PRKCA: variants seen among roughly 807,000 people sequenced by gnomAD.
The protein encoded by PRKCA is protein kinase C alpha type.
A neutral mutation model predicts 87.0 loss-of-function variants in PRKCA; 27 were observed. That is an observed-to-expected ratio of 0.31 (90% confidence interval 0.23 to 0.43). PRKCA has a LOEUF of 0.43. Ranked by LOEUF, PRKCA falls within the 20% of genes least tolerant of loss-of-function variation. The pLI is 1.00. For missense variants in PRKCA, 518 were observed against 852.3 expected (o/e 0.61, Z 4.88); for synonymous variants, 329 against 311.1 (o/e 1.06, Z -0.61).
chr17:66,775,697 G>A (rs1568026917), intron 14 of PRKCA: 1 of 985,308 alleles, frequency 1.0e-6, no homozygotes, highest in East Asian at 1.1e-4. Context: ...TGTTTCTGGG[G>A]AAAAAGTCTT....
Position 66,805,200 on chromosome 17 carries a change from G to A in PRKCA, c.*1163G>A, listed in dbSNP as rs1020853444. 2.8e-5 allele frequency: 26 copies of A among 921,606 alleles called. No homozygotes were observed. Among genetic ancestry groups the A allele is most frequent in the Non-Finnish European group, 3.0e-5 (23 of 772,020 alleles). The allele number at this position is 921,606 out of a possible 1,614,324, so 57.1% of individuals were successfully genotyped here. On this transcript the variant is annotated 3_prime_UTR_variant, in exon 17 of 17. Transcript: ENST00000413366. ...GACAGGCCTGGAGCTGTAGAATCAG[G>A]AAACCCGGATGCCTAACAGCTCAAA...
intron 2 of PRKCA, among the ~76,000 whole-genome samples, chr17:66,455,697 T>C (rs1914549285): frequency 6.6e-6 from 1 of 152,186 alleles, no homozygotes; most frequent in Non-Finnish European, 1.5e-5. Flanking sequence ...TTCCACTTAA[T>C]ATCTAAGAAC....
intron 3 of PRKCA, among the ~76,000 whole-genome samples, chr17:66,639,537 G>A (rs1443940825): frequency 3.9e-5 from 6 of 152,018 alleles, no homozygotes; most frequent in Admixed American, 6.5e-5. Flanking sequence ...ACAGGCACAC[G>A]CCACCATGCC....
intron 2 of PRKCA, among the ~76,000 whole-genome samples, chr17:66,366,610 T>C (rs1908743938): frequency 1.3e-5 from 2 of 152,068 alleles, no homozygotes; most frequent in Admixed American, 1.3e-4. Flanking sequence ...TTTGAAGGGG[T>C]GAGCTAGCAG....
chr17:66,328,660 T>C (rs1219107930), intron 2 of PRKCA, among the ~76,000 whole-genome samples: 1 of 152,048 alleles, frequency 6.6e-6, no homozygotes, highest in Admixed American at 6.5e-5. Flanking sequence ...TAGCCAGGCA[T>C]GGTGGCACGT....
intron 2 of PRKCA, among the ~76,000 whole-genome samples, chr17:66,322,693 C>G (rs1905752506): frequency 1.4e-5 from 2 of 146,516 alleles, no homozygotes; most frequent in African/African-American, 2.6e-5. Context: ...AGGTTGGCCT[C>G]CAGCTCCTGA....
At chr17:66,386,348 G>A (rs1351051826) in intron 2 of PRKCA, among the ~76,000 whole-genome samples, 1 of 152,172 alleles carries the variant, frequency 6.6e-6, no homozygotes, top group Non-Finnish European at 1.5e-5. Flanking sequence ...GGGCATTTAA[G>A]TAAAAAACAT....
intron 3 of PRKCA, among the ~76,000 whole-genome samples, chr17:66,613,730 A>T (rs1235693334): frequency 1.7e-4 from 25 of 147,648 alleles, no homozygotes; most frequent in Non-Finnish European, 3.6e-4. Context: ...TCTTGTAAGG[A>T]CACCAGTCAT....
At chr17:66,376,190 C>T (rs901772878) in intron 2 of PRKCA, among the ~76,000 whole-genome samples, 1 of 152,130 alleles carries the variant, frequency 6.6e-6, no homozygotes, top group Non-Finnish European at 1.5e-5. Context: ...AGTGTTTAAC[C>T]ACCCTCCCCT....
intron 3 of PRKCA, among the ~76,000 whole-genome samples, chr17:66,500,881 T>C (rs765679159): frequency 6.6e-6 from 1 of 152,140 alleles, no homozygotes; most frequent in Non-Finnish European, 1.5e-5. Context: ...GTGAAAAGAA[T>C]GGGAAGTATC....
At chr17:66,786,257 T>G (rs1048269941) in intron 14 of PRKCA, among the ~76,000 whole-genome samples, 12 of 152,210 alleles carry the variant, frequency 7.9e-5, no homozygotes, top group African/African-American at 2.4e-4. Flanking sequence ...CCACCGTGCC[T>G]TCCTCTCTCA....
chr17:66,399,142 G>A (rs1332053982), intron 2 of PRKCA, among the ~76,000 whole-genome samples: 8 of 139,008 alleles, frequency 5.8e-5, no homozygotes, highest in Non-Finnish European at 7.5e-5. Flanking sequence ...TCTGTCTTCC[G>A]GGCTGGAGTA....
chr17:66,803,375 A>G lies in PRKCA; in HGVS notation c.1855-498A>G, dbSNP rs745919932. 2.6e-5 allele frequency among the ~76,000 whole-genome samples: 4 copies of G among 152,212 alleles called. No homozygotes were observed. The highest frequency in any genetic ancestry group is 2.0e-4 in the Admixed American group (3 of 15,286). On this transcript the variant is annotated intron_variant, in intron 16 of 16. Transcript: ENST00000413366. The surrounding 1 kb of genome is among the most constrained non-coding windows in gnomAD (Gnocchi z 4.4). ...GGGGCTGGGGTTGCTGGAGCAGCCC[A>G]GTAGGAAGGCAAGGATAACACAGTT...
chr17:66,633,595 GT>G (rs1971079935), intron 3 of PRKCA, among the ~76,000 whole-genome samples: 1 of 152,180 alleles, frequency 6.6e-6, no homozygotes, highest in Non-Finnish European at 1.5e-5. Flanking sequence ...GTTAAAAACA[GT>G]CTTTTCCAGA....
At chr17:66,596,389 C>T (rs531164417) in intron 3 of PRKCA, among the ~76,000 whole-genome samples, 2 of 152,056 alleles carry the variant, frequency 1.3e-5, no homozygotes, top group East Asian at 1.9e-4. Context: ...CTGCCTTCAC[C>T]GCTGGGCTGT....
chr17:66,780,106 AT>A (rs1975169713), intron 14 of PRKCA, among the ~76,000 whole-genome samples: 2 of 152,136 alleles, frequency 1.3e-5, no homozygotes, highest in Non-Finnish European at 2.9e-5. Flanking sequence ...ATGTGTTCAC[AT>A]TTTTTTAGGC....
chr17:66,554,652 T>C (rs1424817669), intron 3 of PRKCA: 2 of 602,808 alleles, frequency 3.3e-6, no homozygotes, highest in Non-Finnish European at 4.2e-6. Flanking sequence ...ATTAAATCTA[T>C]GGATGTGAAG....
At position 66,645,317 on chromosome 17, in the gene PRKCA, A is replaced by G. The variant is rs926959171; in HGVS notation, c.401-66A>G. The G allele has an allele frequency of 4.4e-6, 7 of 1,607,856 alleles. No individual in the cohort carries two copies. The African/African-American group carries it at 9.4e-5, about 21-fold the overall frequency. On this transcript the variant is annotated intron_variant, in intron 4 of 16. Coordinates refer to ENST00000413366, the MANE Select transcript of PRKCA (RefSeq NM_002737.3). ...TCATTTTCACTTGTGCTCATGCACCAAAACACTGAGGAGCGGTGGTTGGAG... is the reference window on the plus strand; with the variant it reads ...TCATTTTCACTTGTGCTCATGCACCGAAACACTGAGGAGCGGTGGTTGGAG...
At chr17:66,592,391 A>T (rs939827704) in intron 3 of PRKCA, among the ~76,000 whole-genome samples, 1 of 151,062 alleles carries the variant, frequency 6.6e-6, no homozygotes, top group Non-Finnish European at 1.5e-5. Flanking sequence ...CCATTTTATC[A>T]AAGAAAAGTT....
Sources: allele counts gnomAD v4.1 joint callset (sites outside exome capture counted in the v4.1 genomes callset), GRCh38; gene constraint gnomAD v4.1.1; non-coding constraint Gnocchi (gnomAD v3.1); transcripts MANE v1.5; gene names NCBI Gene and HGNC (gene_info 2026-07-23, HGNC 2026-07-21).